Variants in SPINK5 observed in about 807,000 individuals in gnomAD.
SPINK5 encodes serine protease inhibitor Kazal-type 5.
Under a neutral mutation model 151.8 loss-of-function variants are expected in SPINK5, and 125 were observed. The ratio of observed to expected loss-of-function variants is 0.82; its 90% CI spans 0.71 to 0.96. The LOEUF (loss-of-function observed/expected upper bound fraction) is 0.96. SPINK5 is among the 40% of genes least tolerant of loss of function. The pLI is 0.00. For synonymous variants in SPINK5, 374 were observed against 395.3 expected (o/e 0.95, Z 0.64); for missense variants, 1,194 against 1,291.9 (o/e 0.92, Z 1.16).
At chr5:148,127,145 G>A in intron 30 of SPINK5, 66 bp downstream of exon 30, 1 of 1,379,260 alleles carries the variant, frequency 7.3e-7, no homozygotes, top group South Asian at 1.2e-5. Context: ...TTGACCTGTT[G>A]CTATTTGCTA....
At chr5:148,131,502 C>T (rs1754572966) in intron 31 of SPINK5, 113 bp downstream of exon 31, 1 of 1,469,628 alleles carries the variant, frequency 6.8e-7, no homozygotes, top group African/African-American at 1.4e-5. Flanking sequence ...GTAATTTATT[C>T]ATCATAGAAG....
intron 18 of SPINK5, among the ~76,000 whole-genome samples, chr5:148,111,086 G>C (rs1377285853): frequency 6.6e-6 from 1 of 151,622 alleles, no homozygotes; most frequent in African/African-American, 2.4e-5. Context: ...AAAATCAAAG[G>C]GTTGGCAGAG....
intron 13 of SPINK5, among the ~76,000 whole-genome samples, 183 bp from the exon 14 acceptor site, chr5:148,101,172 G>A (rs546925410): frequency 2.0e-5 from 3 of 152,106 alleles, no homozygotes; most frequent in African/African-American, 7.2e-5. Flanking sequence ...TTTGTATGTT[G>A]GGGTTATAAT....
At chr5:148,135,422 C>T (rs2113245859) in intron 32 of SPINK5, among the ~76,000 whole-genome samples, 1 of 152,318 alleles carries the variant, frequency 6.6e-6, no homozygotes, top group Non-Finnish European at 1.5e-5. Context: ...TAGGTTTATA[C>T]TGATAAGATG....
intron 6 of SPINK5, chr5:148,089,179 G>T: frequency 2.1e-6 from 1 of 480,198 alleles, no homozygotes; most frequent in Non-Finnish European, 4.1e-6. Context: ...AAGTCATTTA[G>T]CATCATGCAA....
intron 26 of SPINK5, among the ~76,000 whole-genome samples, chr5:148,121,693 C>T (rs1754270185): frequency 6.6e-6 from 1 of 151,498 alleles, no homozygotes; most frequent in African/African-American, 2.4e-5. Context: ...TGTGGTAACT[C>T]ACTCTTTTAA....
chr5:148,121,143 C>CAG lies in SPINK5; in HGVS notation c.2538+753_2538+754insGA, dbSNP rs1554106525. 1.4e-3 allele frequency among the ~76,000 whole-genome samples: 96 copies of CAG among 68,670 alleles called. 14 individuals carry two copies. The highest frequency in any genetic ancestry group is 1.7e-3 in the Admixed American group (8 of 4,628). 45.1% of individuals were successfully genotyped at this position (68,670 alleles called of 152,430 possible). On this transcript the variant is annotated intron_variant, in intron 26 of 32. Coordinates refer to ENST00000256084, the MANE Select transcript of SPINK5 (RefSeq NM_006846.4). ...TGGGCGACAGAGCAAGACTCTGTCT[C>CAG]AAAAAAAAAAAAAAAAAAAAAAAAG... is the stretch of plus-strand genomic sequence containing the variant.
chr5:148,087,559 C>CA (rs1045492970), intron 5 of SPINK5, among the ~76,000 whole-genome samples: 4 of 151,802 alleles, frequency 2.6e-5, no homozygotes, highest in Non-Finnish European at 5.9e-5. Context: ...CAAGGGTCAA[C>CA]ATAGAGAAAC....
intron 2 of SPINK5, among the ~76,000 whole-genome samples, chr5:148,066,313 T>C (rs1411548306): frequency 6.6e-6 from 1 of 152,164 alleles, no homozygotes; most frequent in East Asian, 1.9e-4. Context: ...ACACACATTT[T>C]ATATATTTAT....
rs201002048 is a variant in SPINK5, at chr5:148,114,262, TTC to T, written c.1888-92_1888-91del. On this transcript the variant is annotated intron_variant, in intron 20 of 32. Coordinates refer to ENST00000256084, the MANE Select transcript of SPINK5 (RefSeq NM_006846.4). ...CCAGAAAAAAAATTCTCAGGTCATTTTCTCTCTCTTTTTTTTTTTTCTATAAA... is the reference window on the plus strand; with the variant it reads ...CCAGAAAAAAAATTCTCAGGTCATTTTCTCTCTTTTTTTTTTTTCTATAAA... 736 of 1,329,300 alleles carry T rather than the reference TTC, an allele frequency of 5.5e-4. 10 individuals carry two copies. Among genetic ancestry groups the T allele is most frequent in the Middle Eastern group, 8.3e-4 (3 of 3,626 alleles). 82.3% of individuals were successfully genotyped at this position (1,329,300 alleles called of 1,614,324 possible).
chr5:148,129,702 T>C (rs2113229390), intron 30 of SPINK5, among the ~76,000 whole-genome samples: 1 of 152,310 alleles, frequency 6.6e-6, no homozygotes, highest in East Asian at 1.9e-4. Flanking sequence ...AAGCAATTCA[T>C]TTAGGTGTTT....
chr5:148,123,512 A>ATATATATATATATATATAT (rs1561703850), intron 26 of SPINK5, among the ~76,000 whole-genome samples: 2 of 120,952 alleles, frequency 1.7e-5, no homozygotes, highest in African/African-American at 3.5e-5. Context: ...GCAGTGGTGC[A>ATATATATATATATATATAT]ATATATGTGT....
Position 148,127,050 on chromosome 5 carries a change from G to C in SPINK5, c.2935G>C (p.Glu979Gln). Residue 979 changes from glutamate to glutamine, a missense_variant, in exon 30 of 33, where the codon GAA becomes CAA. Coordinates refer to ENST00000256084, the MANE Select transcript of SPINK5 (RefSeq NM_006846.4). ...KPSHVRASQE[E>Q]DSPDSFSSLD... Reference sequence around the variant, plus strand: ...ATCCCATGTTAGAGCTTCTCAAGAGGAAGACAGCCCAGACTCTTTCAGTTC... The same window carrying C: ...ATCCCATGTTAGAGCTTCTCAAGAGCAAGACAGCCCAGACTCTTTCAGTTC... 6.2e-7 allele frequency: 1 copy of C among 1,613,674 alleles called. No homozygotes were observed. Among genetic ancestry groups the C allele is most frequent in the Non-Finnish European group, 8.5e-7 (1 of 1,179,782 alleles).
chr5:148,134,146 A>G (rs1216207759), intron 32 of SPINK5: 8 of 493,056 alleles, frequency 1.6e-5, no homozygotes, highest in Admixed American at 3.0e-5. Flanking sequence ...TCTCCAACAT[A>G]ACGTTACTTA....
Position 148,091,217 on chromosome 5 carries a change from A to G in SPINK5, c.655A>G (p.Asn219Asp), listed in dbSNP as rs975541808. ...KREGETRIRR[N>D]AEKDFCKEYE... ...AGAGGGTGAAACTAGAATTCGACGA[A>G]ATGCTGAAAAGGTAAAATGACTCAC... Residue 219 changes from asparagine to aspartate, a missense_variant, in exon 8 of 33, where the codon AAT becomes GAT. Transcript: ENST00000256084. 9.3e-6 allele frequency: 15 copies of G among 1,611,368 alleles called. No homozygotes were observed. Among genetic ancestry groups the G allele is most frequent in the Non-Finnish European group, 1.3e-5 (15 of 1,178,488 alleles).
intron 4 of SPINK5, among the ~76,000 whole-genome samples, chr5:148,077,414 T>C (rs1752912491): frequency 6.6e-6 from 1 of 151,018 alleles, no homozygotes; most frequent in South Asian, 2.1e-4. Flanking sequence ...AAGATATTAC[T>C]GTACTAAAGA....
rs763193641 is a variant in SPINK5, at chr5:148,099,282, C to T, written c.1059C>T (p.Asn353=). ...EKKKAEARAR[N]KRESGKATSY... The stretch of plus-strand genomic sequence containing the variant: ...AAAAGGCTGAAGCACGAGCTAGAAA[C>T]AAAAGAGAATCTGGAAAAGCAACCT... The change falls in exon 12 of 33, where the codon AAC becomes AAT. Residue 353 remains asparagine, a synonymous_variant. Transcript: ENST00000256084. The T allele has an allele frequency of 1.9e-5, 31 of 1,612,318 alleles. No homozygotes were observed. In the South Asian group the frequency reaches 2.2e-4, roughly 11 times the overall value.
At chr5:148,086,999 T>C (rs13160193) in intron 5 of SPINK5, among the ~76,000 whole-genome samples, 70,095 of 150,740 alleles carry the variant, frequency 0.47, 17,037 homozygotes, top group Admixed American at 0.59. Flanking sequence ...TATACATATA[T>C]ATACATACAC....
At chr5:148,117,046 A>C (rs1754113034) in intron 22 of SPINK5, among the ~76,000 whole-genome samples, 1 of 152,254 alleles carries the variant, frequency 6.6e-6, no homozygotes, top group Admixed American at 6.5e-5. Flanking sequence ...TTTAAGTGTC[A>C]GCATGGCAAT....
Sources: gnomAD v4.1 joint callset for allele counts (sites outside exome capture counted in the v4.1 genomes callset) on GRCh38, gnomAD v4.1.1 for gene constraint, MANE v1.5 for transcripts, NCBI Gene and HGNC (gene_info 2026-07-23, HGNC 2026-07-21) for gene names.